Variants in SUMF1 observed in about 807,000 individuals in gnomAD.
SUMF1 encodes the protein sulfatase modifying factor 1.
Under a neutral mutation model 47.6 loss-of-function variants are expected in SUMF1, and 48 were observed. The ratio of observed to expected loss-of-function variants is 1.01; its 90% CI spans 0.80 to 1.28. The LOEUF (loss-of-function observed/expected upper bound fraction) is 1.28. Among genes scored for constraint, SUMF1 ranks in the 50% most tolerant of loss-of-function variants. SUMF1 has a pLI of 0.00. For synonymous variants in SUMF1, 230 were observed against 192.1 expected (o/e 1.20, Z -1.63); for missense variants, 571 against 485.4 (o/e 1.18, Z -1.66).
intron 3 of SUMF1, among the ~76,000 whole-genome samples, chr3:4,448,762 C>A (rs1692847601): frequency 6.6e-6 from 1 of 152,188 alleles, no homozygotes; most frequent in Non-Finnish European, 1.5e-5. Context: ...TACACCCCTG[C>A]ATGTAAAGAA....
At chr3:4,222,047 T>C (rs1415889285) in intron 8 of SUMF1, among the ~76,000 whole-genome samples, 36 of 152,086 alleles carry the variant, frequency 2.4e-4, no homozygotes, top group Non-Finnish European at 1.5e-5. Flanking sequence ...AAATATCATA[T>C]TGCTAAAAAC....
At chr3:4,205,679 C>T (rs1695636308) in intron 8 of SUMF1, among the ~76,000 whole-genome samples, 1 of 152,192 alleles carries the variant, frequency 6.6e-6, no homozygotes, top group South Asian at 2.1e-4. Context: ...CTTTTGCCAA[C>T]TCATAGAGGT....
At chr3:4,175,229 T>A (rs1274430835) in intron 8 of SUMF1, among the ~76,000 whole-genome samples, 1 of 152,156 alleles carries the variant, frequency 6.6e-6, no homozygotes, top group Non-Finnish European at 1.5e-5. Flanking sequence ...GACTGCCTCC[T>A]CAAGTGGGCC....
chr3:4,309,162 C>A (rs186518472), intron 8 of SUMF1, among the ~76,000 whole-genome samples: 1 of 152,186 alleles, frequency 6.6e-6, no homozygotes, highest in East Asian at 1.9e-4. Flanking sequence ...GGTTTATTAT[C>A]ATGCAGGTGA....
chr3:4,378,083 G>A (rs1189386440), intron 7 of SUMF1, among the ~76,000 whole-genome samples: 1 of 152,184 alleles, frequency 6.6e-6, no homozygotes, highest in Admixed American at 6.5e-5. Context: ...ATTAGGTCCT[G>A]TCCTGATAAA....
Position 4,364,985 on chromosome 3 carries a change from C to G in SUMF1, c.1015-2731G>C, listed in dbSNP as rs139916247. Among the ~76,000 whole-genome samples the G allele has an allele frequency of 3.1e-3, 479 of 152,200 alleles. 4 individuals carry two copies. Among genetic ancestry groups the G allele is most frequent in the African/African-American group, 0.011 (455 of 41,532 alleles). ...TTCTGCCTTCATTTCATTATGTACCCAGTAGTCATTTTTGTTCAGTTTCCA... is the reference window on the plus strand; with the variant it reads ...TTCTGCCTTCATTTCATTATGTACCGAGTAGTCATTTTTGTTCAGTTTCCA... On this transcript the variant is annotated intron_variant, in intron 8 of 8. Coordinates refer to ENST00000272902, the MANE Select transcript of SUMF1 (RefSeq NM_182760.4).
chr3:4,179,878 G>A (rs1695054015), intron 8 of SUMF1, among the ~76,000 whole-genome samples: 1 of 152,094 alleles, frequency 6.6e-6, no homozygotes, highest in African/African-American at 2.4e-5. Flanking sequence ...CAAAAAGTGG[G>A]CAAAGGATAT....
intron 8 of SUMF1, among the ~76,000 whole-genome samples, chr3:4,095,675 T>A (rs967161424): frequency 6.6e-6 from 1 of 152,168 alleles, no homozygotes; most frequent in South Asian, 2.1e-4. Flanking sequence ...AAATTCATAT[T>A]CCTGACTGCC....
intron 8 of SUMF1, among the ~76,000 whole-genome samples, chr3:4,272,368 C>T (rs762504145): frequency 1.8e-4 from 27 of 152,274 alleles, no homozygotes; most frequent in Non-Finnish European, 3.1e-4. Flanking sequence ...ACTGGCTGGA[C>T]CTTCGGAATT....
intron 8 of SUMF1, among the ~76,000 whole-genome samples, chr3:4,245,090 A>G (rs115080650): frequency 0.025 from 3,873 of 152,060 alleles, 162 homozygotes; most frequent in African/African-American, 0.088. Flanking sequence ...AGCTCCATTA[A>G]GTCATTCAAG....
chr3:4,128,787 G>A (rs761677665), intron 8 of SUMF1, among the ~76,000 whole-genome samples: 1 of 152,142 alleles, frequency 6.6e-6, no homozygotes, highest in Non-Finnish European at 1.5e-5. Context: ...AAGGGTGTGG[G>A]ATAATGGTGG....
At chr3:4,271,071 T>C (rs1045934636) in intron 8 of SUMF1, among the ~76,000 whole-genome samples, 5 of 152,142 alleles carry the variant, frequency 3.3e-5, no homozygotes, top group Admixed American at 2.0e-4. Context: ...AAAAACTAAG[T>C]CCTAGAATAC....
chr3:4,161,900 G>A (rs1694585587), intron 8 of SUMF1, among the ~76,000 whole-genome samples: 2 of 151,924 alleles, frequency 1.3e-5, no homozygotes, highest in Non-Finnish European at 2.9e-5. Flanking sequence ...ATCACTGCTG[G>A]AAATGTGCTG....
chr3:4,342,631 A>T (rs1699295051), intron 8 of SUMF1, among the ~76,000 whole-genome samples: 2 of 152,206 alleles, frequency 1.3e-5, no homozygotes, highest in South Asian at 2.1e-4. Flanking sequence ...CCTGGACTTC[A>T]GTTACAGAAT....
intron 8 of SUMF1, among the ~76,000 whole-genome samples, chr3:4,346,581 G>A (rs1699378743): frequency 6.6e-6 from 1 of 152,084 alleles, no homozygotes; most frequent in East Asian, 1.9e-4. Flanking sequence ...AAGCTAGAAA[G>A]ATCTCAAATC....
At chr3:4,253,032 T>C (rs936137877) in intron 8 of SUMF1, among the ~76,000 whole-genome samples, 2 of 152,238 alleles carry the variant, frequency 1.3e-5, no homozygotes, top group Non-Finnish European at 2.9e-5. Flanking sequence ...ATTATGTGTT[T>C]TTCCATAAGA....
intron 8 of SUMF1, among the ~76,000 whole-genome samples, chr3:4,192,702 G>C (rs1248602833): frequency 1.3e-5 from 2 of 152,090 alleles, no homozygotes; most frequent in East Asian, 3.9e-4. Flanking sequence ...GTCAAAGAAA[G>C]ACCAACCAGG....
intron 8 of SUMF1, among the ~76,000 whole-genome samples, chr3:4,273,240 T>C (rs1289597371): frequency 1.3e-5 from 2 of 151,986 alleles, no homozygotes; most frequent in Non-Finnish European, 2.9e-5. Flanking sequence ...CATAATAGCA[T>C]TTTTCATAAT....
intron 8 of SUMF1, among the ~76,000 whole-genome samples, chr3:4,091,037 C>T (rs1412458847): frequency 6.6e-6 from 1 of 151,506 alleles, no homozygotes; most frequent in Non-Finnish European, 1.5e-5. Flanking sequence ...GCCAAGATCG[C>T]TCCACTGCAC....
Sources: allele counts gnomAD v4.1 joint callset (sites outside exome capture counted in the v4.1 genomes callset), GRCh38; gene constraint gnomAD v4.1.1; transcripts MANE v1.5; gene names NCBI Gene and HGNC (gene_info 2026-07-23, HGNC 2026-07-21).